Variants in KCNMB2 observed in about 807,000 individuals in gnomAD.
KCNMB2 encodes the protein potassium calcium-activated channel subfamily M regulatory beta subunit 2.
A neutral mutation model predicts 24.5 loss-of-function variants in KCNMB2; 9 were observed. The observed-to-expected ratio is 0.37, with a 90% CI of 0.22 to 0.64. The LOEUF is 0.64. Ranked by LOEUF, KCNMB2 falls within the 30% of genes least tolerant of loss-of-function variation. KCNMB2 has a pLI of 0.63. For missense variants in KCNMB2, 226 were observed against 284.3 expected (o/e 0.79, Z 1.47); for synonymous variants, 109 against 104.4 (o/e 1.04, Z -0.27).
intron 1 of KCNMB2, among the ~76,000 whole-genome samples, chr3:178,635,078 C>T (rs1719468713): frequency 1.3e-5 from 2 of 152,052 alleles, no homozygotes; most frequent in South Asian, 4.1e-4. Context: ...TAAGGCATAG[C>T]AGGGGGCAGC....
intron 1 of KCNMB2, among the ~76,000 whole-genome samples, chr3:178,717,126 A>T (rs1176165322): frequency 6.6e-6 from 1 of 152,054 alleles, no homozygotes; most frequent in Non-Finnish European, 1.5e-5. Flanking sequence ...CAACATCAAG[A>T]TGTATCCATA....
chr3:178,803,675 T>C (rs538838503), intron 1 of KCNMB2, among the ~76,000 whole-genome samples: 1 of 152,208 alleles, frequency 6.6e-6, no homozygotes, highest in South Asian at 2.1e-4. Context: ...TTGCCTTGCC[T>C]TAGCAGAAGT....
intron 1 of KCNMB2, among the ~76,000 whole-genome samples, chr3:178,556,115 T>C (rs1298827171): frequency 6.6e-6 from 1 of 152,128 alleles, no homozygotes; most frequent in East Asian, 1.9e-4. Context: ...CAGTGCTGAC[T>C]GAAGTTCAGC....
intron 1 of KCNMB2, among the ~76,000 whole-genome samples, chr3:178,576,293 A>G (rs2108483373): frequency 6.6e-6 from 1 of 152,174 alleles, no homozygotes; most frequent in East Asian, 1.9e-4. Context: ...GACTGTGCCA[A>G]GAACTAGGCA....
intron 1 of KCNMB2, among the ~76,000 whole-genome samples, chr3:178,771,473 CTTTTTTTTTTTTTT>C (rs66694279): frequency 9.1e-5 from 8 of 87,532 alleles, no homozygotes; most frequent in South Asian, 4.7e-4. Flanking sequence ...TTCTTTCTTT[CTTTTTTTTTTTTTT>C]TTTTTTTTTT....
intron 1 of KCNMB2, among the ~76,000 whole-genome samples, chr3:178,725,254 G>GTTTTTCT (rs1404262354): frequency 6.6e-6 from 1 of 151,904 alleles, no homozygotes. Context: ...GTAGTCTCAG[G>GTTTTTCT]TATTTGTATG....
chr3:178,725,484 T>A (rs192057270), intron 1 of KCNMB2, among the ~76,000 whole-genome samples: 9 of 152,212 alleles, frequency 5.9e-5, no homozygotes, highest in East Asian at 3.9e-4. Context: ...CTAGACTTGA[T>A]AAACAACTTT....
intron 1 of KCNMB2, among the ~76,000 whole-genome samples, chr3:178,655,206 G>T (rs1156339146): frequency 2.0e-5 from 3 of 147,682 alleles, no homozygotes; most frequent in South Asian, 2.1e-4. Flanking sequence ...CCATGTCCAA[G>T]AAAAGAAAAT....
At chr3:178,567,669 C>T (rs962696899) in intron 1 of KCNMB2, among the ~76,000 whole-genome samples, 1 of 152,100 alleles carries the variant, frequency 6.6e-6, no homozygotes, top group South Asian at 2.1e-4. Context: ...GAGCAGCATG[C>T]GCCAGGACAT....
At chr3:178,652,787 C>A (rs115995059) in intron 1 of KCNMB2, among the ~76,000 whole-genome samples, 1 of 151,696 alleles carries the variant, frequency 6.6e-6, no homozygotes, top group Non-Finnish European at 1.5e-5. Flanking sequence ...CACAGCCTCC[C>A]GTGTTGCTGG....
intron 1 of KCNMB2, among the ~76,000 whole-genome samples, chr3:178,572,299 T>C (rs1716831943): frequency 6.6e-6 from 1 of 152,158 alleles, no homozygotes; most frequent in Admixed American, 6.5e-5. Flanking sequence ...TATCCATACA[T>C]AGAATGCATG....
In KCNMB2 at chr3:178,740,478, A is replaced by G. The variant is rs573807634; in HGVS notation, c.-67-66865A>G. ...TTGGTTAGATTTTCTTTATCTACCCATGATGTTCATAAATCAGTGCATCCA... is the reference window on the plus strand; with the variant it reads ...TTGGTTAGATTTTCTTTATCTACCCGTGATGTTCATAAATCAGTGCATCCA... On this transcript the variant is annotated intron_variant, in intron 1 of 4. Coordinates refer to ENST00000452583, the MANE Select transcript of KCNMB2 (RefSeq NM_181361.3). Among the ~76,000 whole-genome samples, 3 of 152,310 alleles carry G rather than the reference A, an allele frequency of 2.0e-5. No homozygotes were observed. The East Asian group carries it at 5.8e-4, about 29-fold the overall frequency.
chr3:178,730,876 T>C (rs1176147689), intron 1 of KCNMB2, among the ~76,000 whole-genome samples: 1 of 152,182 alleles, frequency 6.6e-6, no homozygotes, highest in Non-Finnish European at 1.5e-5. Context: ...GCAGGGAGGC[T>C]GTCCCTGACT....
At chr3:178,538,741 C>T (rs1400135419) in intron 1 of KCNMB2, among the ~76,000 whole-genome samples, 1 of 151,938 alleles carries the variant, frequency 6.6e-6, no homozygotes, top group Non-Finnish European at 1.5e-5. Flanking sequence ...AACTGTATGC[C>T]CACAACCTGA....
At chr3:178,728,481 G>C (rs959950359) in intron 1 of KCNMB2, among the ~76,000 whole-genome samples, 3 of 152,126 alleles carry the variant, frequency 2.0e-5, no homozygotes, top group Non-Finnish European at 4.4e-5. Flanking sequence ...GACACAAACA[G>C]ACAGATTACT....
At position 178,587,702 on chromosome 3, in the gene KCNMB2, T is replaced by G. The variant is rs182272472; in HGVS notation, c.-68+50991T>G. On this transcript the variant is annotated intron_variant, in intron 1 of 4. Coordinates refer to ENST00000452583, the MANE Select transcript of KCNMB2 (RefSeq NM_181361.3). ...CTCAGGTGATCCGCCCACCTCGGCC[T>G]CCCAAAGTGCTGGGATTACAGGCGT... Among the ~76,000 whole-genome samples, 392 of 150,176 alleles carry G rather than the reference T, an allele frequency of 2.6e-3. 2 individuals are homozygous for G. The highest frequency in any genetic ancestry group is 0.015 in the Admixed American group (233 of 15,050).
At position 178,656,938 on chromosome 3, in the gene KCNMB2, G is replaced by C. The variant is rs531601651; in HGVS notation, c.-68+120227G>C. Among the ~76,000 whole-genome samples the C allele has an allele frequency of 2.6e-5, 4 of 152,150 alleles. No homozygotes were observed. The South Asian group carries it at 8.3e-4, about 32-fold the overall frequency. On this transcript the variant is annotated intron_variant, in intron 1 of 4. Coordinates refer to ENST00000452583, the MANE Select transcript of KCNMB2 (RefSeq NM_181361.3). The stretch of plus-strand genomic sequence containing the variant: ...GTAGGAGCAGCTGAAGTTAAAAAAA[G>C]AAAAAATTCACTCAGTCAAACCCAA...
At chr3:178,587,890 TC>T (rs1486972191) in intron 1 of KCNMB2, among the ~76,000 whole-genome samples, 1 of 42,444 alleles carries the variant, frequency 2.4e-5, no homozygotes, top group Non-Finnish European at 4.5e-5. Flanking sequence ...CCTCCCCCCC[TC>T]CCCCCACCCC....
At chr3:178,767,279 T>A (rs1329070172) in intron 1 of KCNMB2, among the ~76,000 whole-genome samples, 1 of 152,108 alleles carries the variant, frequency 6.6e-6, no homozygotes, top group Non-Finnish European at 1.5e-5. Flanking sequence ...CAATGTTGAG[T>A]GAAACTAGAA....
Sources: gnomAD v4.1 joint callset for allele counts (sites outside exome capture counted in the v4.1 genomes callset) on GRCh38, gnomAD v4.1.1 for gene constraint, MANE v1.5 for transcripts, NCBI Gene and HGNC (gene_info 2026-07-23, HGNC 2026-07-21) for gene names.